The following PACRG variants were observed in gnomAD, a reference collection of about 807,000 sequenced individuals.
PACRG encodes parkin coregulated gene protein.
Under a neutral mutation model 29.7 loss-of-function variants are expected in PACRG, and 29 were observed. The ratio of observed to expected loss-of-function variants is 0.98; its 90% confidence interval spans 0.73 to 1.33. PACRG has a LOEUF of 1.33. Ranked by LOEUF, PACRG falls within the 40% of genes most tolerant of loss-of-function variation. The probability of loss-of-function intolerance (pLI) is 0.00; values close to 1 mark genes in which losing one functional copy is unlikely to be tolerated. For missense variants in PACRG, 279 were observed against 316.2 expected (o/e 0.88, Z 0.89); for synonymous variants, 116 against 118.7 (o/e 0.98, Z 0.15).
Position 163,089,270 on chromosome 6 carries a change from C to T in PACRG, c.475C>T (p.Leu159Phe). The change falls in exon 4 of 5, where the codon CTC becomes TTC. Residue 159 changes from leucine (L) to phenylalanine (F), a missense_variant. Leu to Phe is a conservative substitution (Grantham distance 22). Transcript: ENST00000366888. ...CTTTTACCATATAGATGCCTTGAACCTCCGAAACCGACAGGTCATCTGTGT... is the reference window on the plus strand; with the variant it reads ...CTTTTACCATATAGATGCCTTGAACTTCCGAAACCGACAGGTCATCTGTGT... ...LIIPIKNALN[L>F]RNRQVICVTL... 6.2e-7 allele frequency: 1 copy of T among 1,613,662 alleles called. No individual in the cohort carries two copies. Among genetic ancestry groups the T allele is most frequent in the Non-Finnish European group, 8.5e-7 (1 of 1,179,812 alleles).
At chr6:163,279,506 C>T (rs1784157069) in intron 4 of PACRG, among the ~76,000 whole-genome samples, 1 of 152,134 alleles carries the variant, frequency 6.6e-6, no homozygotes, top group South Asian at 2.1e-4. Context: ...ATTTTGATTT[C>T]CATTTCTATG....
intron 4 of PACRG, among the ~76,000 whole-genome samples, chr6:163,152,609 T>C (rs759687023): frequency 6.6e-6 from 1 of 152,240 alleles, no homozygotes; most frequent in Non-Finnish European, 1.5e-5. Flanking sequence ...AGTTCTGAGA[T>C]TTCCATTCCT....
At chr6:163,078,589 G>C (rs1812772137) in intron 3 of PACRG, among the ~76,000 whole-genome samples, 1 of 152,092 alleles carries the variant, frequency 6.6e-6, no homozygotes, top group African/African-American at 2.4e-5. Context: ...AAGGTTATAA[G>C]TGTTATCATT....
Position 163,011,766 on chromosome 6 carries a change from C to T in PACRG, c.292-50384C>T, listed in dbSNP as rs527609190. On this transcript the variant is annotated intron_variant, in intron 2 of 4. Coordinates refer to ENST00000366888, the MANE Select transcript of PACRG (RefSeq NM_001080379.2). ...TGTACAAAATATTTTTTCTTTACAT[C>T]CTTATTCTATAAGCTCTTTATTTTT... 3.9e-5 allele frequency among the ~76,000 whole-genome samples: 6 copies of T among 152,146 alleles called. No individual in the cohort carries two copies. In the East Asian group the frequency reaches 1.2e-3, roughly 29 times the overall value.
At chr6:162,968,452 G>C (rs1229214655) in intron 2 of PACRG, among the ~76,000 whole-genome samples, 1 of 152,184 alleles carries the variant, frequency 6.6e-6, no homozygotes, top group African/African-American at 2.4e-5. Flanking sequence ...GCTAGATCGT[G>C]CAATCCTTTC....
chr6:162,968,474 A>T (rs1326364149), intron 2 of PACRG, among the ~76,000 whole-genome samples: 2 of 152,222 alleles, frequency 1.3e-5, no homozygotes, highest in Non-Finnish European at 2.9e-5. Context: ...GGAATCTCAA[A>T]GCAAGAACAA....
chr6:162,728,288 C>T lies in PACRG; in HGVS notation c.53C>T (p.Pro18Leu), dbSNP rs749995495. Residue 18 changes from proline to leucine, a missense_variant, in exon 1 of 5, where the codon CCG becomes CTG. Coordinates refer to ENST00000366888, the MANE Select transcript of PACRG (RefSeq NM_001080379.2). Reference protein sequence around the residue: ...LSLNKCPDKMPKRTKLLAQQP... With the variant: ...LSLNKCPDKMLKRTKLLAQQP... ...TTAAACAAATGCCCAGACAAGATGCCGAAGAGGACCAAGCTGCTGGCACAA... is the reference window on the plus strand; with the variant it reads ...TTAAACAAATGCCCAGACAAGATGCTGAAGAGGACCAAGCTGCTGGCACAA... The T allele has an allele frequency of 5.0e-6, 8 of 1,613,822 alleles. No homozygotes were observed. Among genetic ancestry groups the T allele is most frequent in the Non-Finnish European group, 5.9e-6 (7 of 1,180,030 alleles).
chr6:162,975,493 T>C (rs997628369), intron 2 of PACRG, among the ~76,000 whole-genome samples: 1 of 152,228 alleles, frequency 6.6e-6, no homozygotes, highest in Admixed American at 6.5e-5. Context: ...TTTCACACTT[T>C]AATGCAATAA....
At chr6:163,221,409 C>G (rs951732119) in intron 4 of PACRG, among the ~76,000 whole-genome samples, 5 of 152,190 alleles carry the variant, frequency 3.3e-5, no homozygotes, top group African/African-American at 1.2e-4. Flanking sequence ...TGTACACGTG[C>G]CTTTGTGCCT....
intron 4 of PACRG, chr6:163,111,986 T>A (rs1815739730): frequency 2.3e-6 from 2 of 869,172 alleles, no homozygotes; most frequent in Non-Finnish European, 2.8e-6. Flanking sequence ...AAATTTTATT[T>A]TCTGATAATC....
intron 2 of PACRG, among the ~76,000 whole-genome samples, chr6:162,833,100 C>A (rs2128396606): frequency 6.6e-6 from 1 of 152,104 alleles, no homozygotes; most frequent in African/African-American, 2.4e-5. Flanking sequence ...TAAACTTTTT[C>A]CCCTATCAAC....
At chr6:162,863,969 T>C (rs1792086991) in intron 2 of PACRG, among the ~76,000 whole-genome samples, 1 of 152,198 alleles carries the variant, frequency 6.6e-6, no homozygotes, top group Non-Finnish European at 1.5e-5. Context: ...CCTGCATTAT[T>C]TCCTTTCCAA....
At chr6:162,930,629 T>G (rs992017338) in intron 2 of PACRG, among the ~76,000 whole-genome samples, 2 of 152,046 alleles carry the variant, frequency 1.3e-5, no homozygotes, top group African/African-American at 4.8e-5. Flanking sequence ...ATTATTACAT[T>G]GAATAAAAGT....
At chr6:163,230,392 T>G (rs1034011106) in intron 4 of PACRG, among the ~76,000 whole-genome samples, 1 of 152,200 alleles carries the variant, frequency 6.6e-6, no homozygotes, top group African/African-American at 2.4e-5. Context: ...TAATAAAATA[T>G]TCACTATTTA....
intron 1 of PACRG, among the ~76,000 whole-genome samples, chr6:162,760,218 TA>T (rs11340578): frequency 0.044 from 6,764 of 152,260 alleles, 512 homozygotes; most frequent in African/African-American, 0.15. Flanking sequence ...CAGAAAAGGT[TA>T]CAGGTGTCAG....
At chr6:162,735,330 T>C (rs779941534) in intron 1 of PACRG, among the ~76,000 whole-genome samples, 18 of 152,328 alleles carry the variant, frequency 1.2e-4, no homozygotes, top group Non-Finnish European at 1.8e-4. Context: ...TTTTCCCAAC[T>C]GATTTTTCAA....
intron 4 of PACRG, among the ~76,000 whole-genome samples, chr6:163,285,748 G>A (rs562540622): frequency 6.6e-6 from 1 of 152,326 alleles, no homozygotes; most frequent in South Asian, 2.1e-4. Flanking sequence ...GAGCAGAGCT[G>A]TCATGGATGC....
intron 2 of PACRG, among the ~76,000 whole-genome samples, chr6:162,927,345 A>G (rs1158172565): frequency 2.0e-5 from 3 of 152,164 alleles, no homozygotes; most frequent in Non-Finnish European, 4.4e-5. Context: ...ATAAAGATAC[A>G]TGCAAATGTA....
intron 2 of PACRG, among the ~76,000 whole-genome samples, chr6:162,928,257 C>T (rs770710415): frequency 2.6e-5 from 4 of 151,746 alleles, no homozygotes; most frequent in African/African-American, 7.3e-5. Context: ...TTATATGTGC[C>T]GAGAAATTCA....
Sources: allele counts gnomAD v4.1 joint callset (sites outside exome capture counted in the v4.1 genomes callset), GRCh38; gene constraint gnomAD v4.1.1; transcripts MANE v1.5; gene names NCBI Gene and HGNC (gene_info 2026-07-23, HGNC 2026-07-21).